SELENOT: variants seen among roughly 807,000 people sequenced by gnomAD.
SELENOT encodes the protein selenoprotein T.
A neutral mutation model predicts 24.3 loss-of-function variants in SELENOT; 9 were observed. The ratio of observed to expected loss-of-function variants is 0.37; its 90% CI spans 0.22 to 0.65. The LOEUF (loss-of-function observed/expected upper bound fraction) is 0.65, where lower values mean the gene tolerates loss of function less well. Ranked by LOEUF, SELENOT falls within the 30% of genes least tolerant of loss-of-function variation. The probability of loss-of-function intolerance (pLI) is 0.60; values close to 1 mark genes in which losing one functional copy is unlikely to be tolerated. For synonymous variants in SELENOT, 81 were observed against 86.0 expected (o/e 0.94, Z 0.32); for missense variants, 166 against 247.6 (o/e 0.67, Z 2.21).
chr3:150,611,379 T>C, intron 1 of SELENOT: 1 of 1,212,564 alleles, frequency 8.2e-7, no homozygotes, highest in Non-Finnish European at 1.2e-6. Context: ...GGCAACCAAC[T>C]ATCTCAACAA....
At position 150,603,429 on chromosome 3, in the gene SELENOT, C is replaced by A. The variant is rs952604633; in HGVS notation, c.67C>A (p.Leu23Met). Residue 23 changes from leucine to methionine, a missense_variant, in exon 1 of 6, where the codon CTG becomes ATG. By Grantham distance (15) the Leu-to-Met change is conservative (BLOSUM62 2). Coordinates refer to ENST00000471696, the MANE Select transcript of SELENOT (RefSeq NM_016275.5). Reference sequence around the variant, plus strand: ...GGTCCGGAGCGAGGCCTCGGCCAATCTGGGCGGCGTGCCCAGCAAGAGATT... The same window carrying A: ...GGTCCGGAGCGAGGCCTCGGCCAATATGGGCGGCGTGCCCAGCAAGAGATT... Reference protein sequence around the residue: ...AMVRSEASANLGGVPSKRLKM... With the variant: ...AMVRSEASANMGGVPSKRLKM... 1.2e-6 allele frequency: 2 copies of A among 1,613,276 alleles called. No homozygotes were observed. Among genetic ancestry groups the A allele is most frequent in the African/African-American group, 1.3e-5 (1 of 74,934 alleles).
At chr3:150,622,897 A>G (rs1475751661) in intron 2 of SELENOT, 146 bp from the exon 3 acceptor site, 3 of 610,488 alleles carry the variant, frequency 4.9e-6, no homozygotes, top group Non-Finnish European at 7.5e-6. Context: ...TTGTTTTAAC[A>G]CTGCACAATA....
chr3:150,610,077 T>TA (rs1219283202), intron 1 of SELENOT, among the ~76,000 whole-genome samples: 2 of 152,226 alleles, frequency 1.3e-5, no homozygotes, highest in Non-Finnish European at 2.9e-5. Flanking sequence ...GAGTGAATGA[T>TA]ATCAAAGATT....
At chr3:150,621,252 A>G (rs1726335851) in intron 1 of SELENOT, among the ~76,000 whole-genome samples, 1 of 152,172 alleles carries the variant, frequency 6.6e-6, no homozygotes, top group South Asian at 2.1e-4. Flanking sequence ...TGAATTTCTC[A>G]CTTACCGTTC....
At chr3:150,618,403 T>C (rs1726266122) in intron 1 of SELENOT, among the ~76,000 whole-genome samples, 1 of 152,208 alleles carries the variant, frequency 6.6e-6, no homozygotes, top group Admixed American at 6.5e-5. Context: ...CTTGTTCATG[T>C]TGTCTTTTAA....
chr3:150,619,439 G>A (rs1434504392), intron 1 of SELENOT, among the ~76,000 whole-genome samples: 1 of 151,886 alleles, frequency 6.6e-6, no homozygotes, highest in Non-Finnish European at 1.5e-5. Flanking sequence ...AGGAGACTGA[G>A]GCAGGTGAAT....
intron 5 of SELENOT, 42 bp downstream of exon 5, chr3:150,627,205 A>C: frequency 6.9e-7 from 1 of 1,446,472 alleles, no homozygotes; most frequent in Non-Finnish European, 9.4e-7. Flanking sequence ...GTTTCTGTTG[A>C]TTCTTATGAC....
rs201467838 is a variant in SELENOT at position 150,606,125 on chromosome 3, G to GTT, written c.137+2636_137+2637dup. ...GCTTACGACAGAGTTTCCTATTCTC[G>GTT]TTTTTTTTTTTCCTTTCTTTCTTCC... On this transcript the variant is annotated intron_variant, in intron 1 of 5. Transcript: ENST00000471696. 1.9e-3 allele frequency among the ~76,000 whole-genome samples: 268 copies of GTT among 139,938 alleles called. 3 individuals carry two copies. In the East Asian group the frequency reaches 0.041, roughly 21 times the overall value. 91.8% of individuals were successfully genotyped at this position (139,938 alleles called of 152,430 possible).
At position 150,606,150 on chromosome 3, in the gene SELENOT, C is replaced by CT. The variant is rs34860334; in HGVS notation, c.137+2666dup. ...GTTTTTTTTTTTCCTTTCTTTCTTC[C>CT]TTTTTTTTTTTTTTTGCTGAGACAG... On this transcript the variant is annotated intron_variant, in intron 1 of 5. Coordinates refer to ENST00000471696, the MANE Select transcript of SELENOT (RefSeq NM_016275.5). 5.2e-3 allele frequency among the ~76,000 whole-genome samples: 663 copies of CT among 128,024 alleles called. 3 individuals carry two copies. Among genetic ancestry groups the CT allele is most frequent in the Middle Eastern group, 0.015 (4 of 260 alleles). 84.0% of individuals were successfully genotyped at this position (128,024 alleles called of 152,430 possible). A position where few individuals can be genotyped will look rare whatever the true frequency, so the allele number is the denominator to read the frequency against.
intron 4 of SELENOT, 138 bp from the exon 5 acceptor site, chr3:150,626,872 C>T: frequency 1.4e-6 from 1 of 732,972 alleles, no homozygotes; most frequent in Non-Finnish European, 2.2e-6. Flanking sequence ...AATGTAAAGT[C>T]CCTGAGAGCA....
chr3:150,613,708 A>G (rs1726149141), intron 1 of SELENOT, among the ~76,000 whole-genome samples: 1 of 125,150 alleles, frequency 8.0e-6, no homozygotes, highest in African/African-American at 3.0e-5. Context: ...AAAAAGACCC[A>G]GAGATGATTG....
At chr3:150,625,762 A>C (rs1333260716) in intron 4 of SELENOT, among the ~76,000 whole-genome samples, 3 of 152,202 alleles carry the variant, frequency 2.0e-5, no homozygotes. Flanking sequence ...ATATTATATA[A>C]GTACCTACAT....
chr3:150,614,649 A>G (rs1310433480), intron 1 of SELENOT: 2 of 154,374 alleles, frequency 1.3e-5, no homozygotes, highest in Admixed American at 6.6e-5. Flanking sequence ...GGAAAGAGGT[A>G]AGAGAACAAA....
intron 1 of SELENOT, among the ~76,000 whole-genome samples, chr3:150,612,893 A>G (rs544646945): frequency 6.6e-6 from 1 of 152,222 alleles, no homozygotes; most frequent in Non-Finnish European, 1.5e-5. Context: ...GAGTTTTTAA[A>G]AGATACTTTA....
chr3:150,619,129 G>A (rs1431948399), intron 1 of SELENOT, among the ~76,000 whole-genome samples: 1 of 151,072 alleles, frequency 6.6e-6, no homozygotes, highest in Non-Finnish European at 1.5e-5. Context: ...GCTGAGGCAG[G>A]AGAATGGCGT....
rs191822470 is a variant in SELENOT, at chr3:150,617,075, A to G, written c.138-5310A>G. 5.7e-4 allele frequency among the ~76,000 whole-genome samples: 87 copies of G among 152,400 alleles called. No homozygotes were observed. The East Asian group carries it at 0.011, about 19-fold the overall frequency. ...TAATAGTTGAAAGGCAGCTATGGGC[A>G]TGTGGTGGTAAGCCCAGTTGTAATA... On this transcript the variant is annotated intron_variant, in intron 1 of 5. Transcript: ENST00000471696.
At chr3:150,616,662 C>T (rs1462980572) in intron 1 of SELENOT, among the ~76,000 whole-genome samples, 3 of 152,206 alleles carry the variant, frequency 2.0e-5, no homozygotes, top group African/African-American at 7.2e-5. Flanking sequence ...TACCATCTCA[C>T]ACCAGTTAGA....
chr3:150,607,450 A>G (rs1179449070), intron 1 of SELENOT, among the ~76,000 whole-genome samples: 2 of 152,236 alleles, frequency 1.3e-5, no homozygotes, highest in Non-Finnish European at 2.9e-5. Context: ...TGCATATTCA[A>G]CAGATATTGG....
chr3:150,615,559 A>G (rs963015202), intron 1 of SELENOT, among the ~76,000 whole-genome samples: 7 of 152,144 alleles, frequency 4.6e-5, no homozygotes, highest in African/African-American at 1.7e-4. Flanking sequence ...CCAACAACAG[A>G]CAAACAGAGA....
Sources: allele counts gnomAD v4.1 joint callset (sites outside exome capture counted in the v4.1 genomes callset), GRCh38; gene constraint gnomAD v4.1.1; transcripts MANE v1.5; gene names NCBI Gene and HGNC (gene_info 2026-07-23, HGNC 2026-07-21).